The following DENND1B variants were observed in gnomAD, a reference collection of about 807,000 sequenced individuals.
The protein encoded by DENND1B is DENN domain containing 1B.
In DENND1B, 59 loss-of-function variants were observed where a neutral mutation model predicts 90.1. The observed-to-expected ratio is 0.65, with a 90% CI of 0.53 to 0.81. The LOEUF (loss-of-function observed/expected upper bound fraction) is 0.81, where lower values mean the gene tolerates loss of function less well. Ranked by LOEUF, DENND1B falls within the 40% of genes least tolerant of loss-of-function variation. The pLI is 0.00. For missense variants in DENND1B, 862 were observed against 912.6 expected (o/e 0.94, Z 0.71); for synonymous variants, 337 against 324.6 (o/e 1.04, Z -0.41).
chr1:197,569,600 G>A (rs1391979604), intron 15 of DENND1B, among the ~76,000 whole-genome samples: 1 of 145,756 alleles, frequency 6.9e-6, no homozygotes, highest in African/African-American at 2.5e-5. Context: ...ACACACAATG[G>A]AACACTATTA....
intron 2 of DENND1B, among the ~76,000 whole-genome samples, chr1:197,730,542 C>A (rs1662054767): frequency 1.3e-5 from 2 of 151,878 alleles, no homozygotes; most frequent in South Asian, 4.2e-4. Flanking sequence ...TGTCAGGGGG[C>A]CATTATTTTT....
chr1:197,616,381 T>C (rs562691781), intron 11 of DENND1B, among the ~76,000 whole-genome samples: 47 of 151,196 alleles, frequency 3.1e-4, no homozygotes, highest in African/African-American at 1.1e-3. Flanking sequence ...AAAGGGCCTA[T>C]TTATTTTATT....
chr1:197,722,035 G>T (rs952864766), intron 2 of DENND1B, among the ~76,000 whole-genome samples: 1 of 152,068 alleles, frequency 6.6e-6, no homozygotes, highest in African/African-American at 2.4e-5. Flanking sequence ...CAAGATAGAT[G>T]TCCTTTTGTA....
chr1:197,655,006 C>G (rs772341137), intron 6 of DENND1B, among the ~76,000 whole-genome samples: 1 of 151,974 alleles, frequency 6.6e-6, no homozygotes, highest in African/African-American at 2.4e-5. Context: ...GGATATTTTG[C>G]TCCAGACTCA....
Position 197,642,710 on chromosome 1 carries a change from C to G in DENND1B, c.672+1G>C. 2 of 1,605,884 alleles carry G rather than the reference C, an allele frequency of 1.2e-6. No individual in the cohort carries two copies. The highest frequency in any genetic ancestry group is 1.7e-6 in the Non-Finnish European group (2 of 1,174,100). ...ACTTAAAAGAAGTGTGAAGTACTTA[C>G]AGTGCTTAATTTGCTCGAGATAATC... On this transcript the variant is annotated splice_donor_variant, in intron 10 of 22. Coordinates refer to ENST00000620048, the MANE Select transcript of DENND1B (RefSeq NM_001195215.2). LOFTEE classifies it high-confidence loss of function.
chr1:197,702,210 A>C lies in DENND1B; in HGVS notation c.126+12821T>G, dbSNP rs11806645. Among the ~76,000 whole-genome samples, 878 of 152,312 alleles carry C rather than the reference A, an allele frequency of 5.8e-3. 8 individuals are homozygous for C. The highest frequency in any genetic ancestry group is 0.02 in the African/African-American group (812 of 41,582). ...AATGAGCTAGACTTTCAAAATAATTATTAGAGGATTCAAATTCACATTATT... is the reference window on the plus strand; with the variant it reads ...AATGAGCTAGACTTTCAAAATAATTCTTAGAGGATTCAAATTCACATTATT... On this transcript the variant is annotated intron_variant, in intron 3 of 22. Transcript: ENST00000620048.
At chr1:197,768,803 G>C (rs1656043989) in intron 2 of DENND1B, among the ~76,000 whole-genome samples, 1 of 150,992 alleles carries the variant, frequency 6.6e-6, no homozygotes, top group African/African-American at 2.4e-5. Context: ...TAGATTTGTA[G>C]AGCACTCCAT....
chr1:197,639,729 T>C (rs1171781483), intron 10 of DENND1B, among the ~76,000 whole-genome samples: 1 of 152,032 alleles, frequency 6.6e-6, no homozygotes, highest in Non-Finnish European at 1.5e-5. Context: ...AGTAAATTCA[T>C]TGATTTTACT....
intron 10 of DENND1B, among the ~76,000 whole-genome samples, chr1:197,638,416 A>G (rs1679977196): frequency 6.6e-6 from 1 of 152,156 alleles, no homozygotes; most frequent in Non-Finnish European, 1.5e-5. Flanking sequence ...GGCCACAAAG[A>G]TACACTCTAG....
chr1:197,570,239 A>G (rs1157959513), intron 15 of DENND1B, among the ~76,000 whole-genome samples: 1 of 151,936 alleles, frequency 6.6e-6, no homozygotes, highest in Non-Finnish European at 1.5e-5. Flanking sequence ...CAAAAAAAAA[A>G]AAAAATTTAA....
intron 5 of DENND1B, among the ~76,000 whole-genome samples, chr1:197,668,528 G>A (rs1054832811): frequency 3.8e-4 from 57 of 150,942 alleles, no homozygotes; most frequent in African/African-American, 9.7e-4. Flanking sequence ...AAAATTCTAC[G>A]TACTTATTGC....
At chr1:197,529,275 T>C (rs1213546334) in intron 20 of DENND1B, among the ~76,000 whole-genome samples, 2 of 133,474 alleles carry the variant, frequency 1.5e-5, no homozygotes, top group African/African-American at 5.7e-5. Context: ...TGTGTATATG[T>C]ATATATGTAT....
At chr1:197,686,110 A>G (rs1657209971) in intron 3 of DENND1B, among the ~76,000 whole-genome samples, 1 of 152,156 alleles carries the variant, frequency 6.6e-6, no homozygotes, top group African/African-American at 2.4e-5. Flanking sequence ...GAGAACTTAA[A>G]GAGAAAACAC....
chr1:197,599,601 A>C (rs1676015835), intron 13 of DENND1B, among the ~76,000 whole-genome samples: 1 of 151,884 alleles, frequency 6.6e-6, no homozygotes, highest in Non-Finnish European at 1.5e-5. Context: ...CCCTTGAATC[A>C]TGTTATAGTT....
chr1:197,535,871 T>C (rs1330847683), intron 20 of DENND1B, among the ~76,000 whole-genome samples: 1 of 152,110 alleles, frequency 6.6e-6, no homozygotes. Flanking sequence ...CCATTTCTAG[T>C]GGCTGCTTCA....
At chr1:197,704,069 C>G (rs1220413775) in intron 3 of DENND1B, among the ~76,000 whole-genome samples, 2 of 152,046 alleles carry the variant, frequency 1.3e-5, no homozygotes, top group African/African-American at 4.8e-5. Context: ...TAGGGTGAGA[C>G]CCCATCTCTA....
chr1:197,706,481 G>C (rs1446760845), intron 3 of DENND1B, among the ~76,000 whole-genome samples: 4 of 152,150 alleles, frequency 2.6e-5, no homozygotes, highest in African/African-American at 9.6e-5. Context: ...ACAACCAACA[G>C]ACTGAAGAGA....
intron 6 of DENND1B, among the ~76,000 whole-genome samples, chr1:197,654,490 G>A (rs1283697209): frequency 6.6e-6 from 1 of 151,928 alleles, no homozygotes; most frequent in Non-Finnish European, 1.5e-5. Flanking sequence ...CATGCCTGTA[G>A]TCCCATCTAC....
intron 2 of DENND1B, among the ~76,000 whole-genome samples, chr1:197,768,497 G>A (rs189749214): frequency 6.6e-6 from 1 of 152,224 alleles, no homozygotes; most frequent in Non-Finnish European, 1.5e-5. Flanking sequence ...ATTGAGGAGA[G>A]GCCATCACTG....
Sources: gnomAD v4.1 joint callset for allele counts (sites outside exome capture counted in the v4.1 genomes callset) on GRCh38, gnomAD v4.1.1 for gene constraint, MANE v1.5 for transcripts, NCBI Gene and HGNC (gene_info 2026-07-23, HGNC 2026-07-21) for gene names.